CCDC91: variants seen among roughly 807,000 people sequenced by gnomAD.
The protein encoded by CCDC91 is coiled-coil domain containing 91, also known as coiled-coil domain-containing protein 91.
CCDC91 carries 48 observed loss-of-function variants against 63.2 expected under a neutral mutation model. That is an observed-to-expected ratio of 0.76 (90% confidence interval 0.60 to 0.97). The LOEUF (loss-of-function observed/expected upper bound fraction) is 0.97. CCDC91 is among the 50% of genes least tolerant of loss of function. CCDC91 has a pLI of 0.00. For missense variants in CCDC91, 500 were observed against 494.6 expected (o/e 1.01, Z -0.10); for synonymous variants, 167 against 165.8 (o/e 1.01, Z -0.06).
chr12:28,446,225 A>G (rs1458060977), intron 8 of CCDC91, among the ~76,000 whole-genome samples: 1 of 152,196 alleles, frequency 6.6e-6, no homozygotes, highest in Non-Finnish European at 1.5e-5. Context: ...TCAAGAGAAA[A>G]TGTTCATAGA....
chr12:28,509,407 G>C (rs1330210472), intron 12 of CCDC91, among the ~76,000 whole-genome samples: 1 of 150,930 alleles, frequency 6.6e-6, no homozygotes, highest in Admixed American at 6.6e-5. Flanking sequence ...GGCAGGATAG[G>C]GGTGGTAGTA....
intron 1 of CCDC91, among the ~76,000 whole-genome samples, chr12:28,250,801 G>T (rs1946069370): frequency 1.3e-5 from 2 of 151,998 alleles, no homozygotes; most frequent in Admixed American, 1.3e-4. Context: ...AATAAAGAAA[G>T]GATCCCCACA....
chr12:28,463,247 G>T (rs1420870814), intron 11 of CCDC91, among the ~76,000 whole-genome samples: 4 of 152,180 alleles, frequency 2.6e-5, no homozygotes, highest in Non-Finnish European at 5.9e-5. Context: ...ACAGTGTTTG[G>T]TGGATATCAG....
At chr12:28,504,526 A>G (rs979825770) in intron 12 of CCDC91, among the ~76,000 whole-genome samples, 1 of 151,942 alleles carries the variant, frequency 6.6e-6, no homozygotes, top group Non-Finnish European at 1.5e-5. Flanking sequence ...TCCAATACAT[A>G]GTGAAATCTA....
chr12:28,375,859 T>G (rs1944910736), intron 7 of CCDC91, among the ~76,000 whole-genome samples: 1 of 151,964 alleles, frequency 6.6e-6, no homozygotes, highest in Non-Finnish European at 1.5e-5. Flanking sequence ...CATCAAAGAT[T>G]ACCATCTTAT....
chr12:28,239,400 A>T (rs79712894), intron 1 of CCDC91, among the ~76,000 whole-genome samples: 28,669 of 151,922 alleles, frequency 0.19, 3,560 homozygotes, highest in Non-Finnish European at 0.28. Context: ...AAGATTTTTT[A>T]AAAATTGCAT....
chr12:28,301,436 T>C (rs978005865), intron 3 of CCDC91, among the ~76,000 whole-genome samples: 4 of 151,434 alleles, frequency 2.6e-5, no homozygotes, highest in African/African-American at 7.3e-5. Flanking sequence ...TTACATATCA[T>C]TTTAATATGG....
rs541826758 is a variant in CCDC91, at chr12:28,256,153, G to A, written c.-14-1049G>A. 206 of 152,178 alleles carry A rather than the reference G, an allele frequency of 1.4e-3. 1 individual carries two copies. The highest frequency in any genetic ancestry group is 4.6e-3 in the African/African-American group (190 of 41,546). The allele number at this position is 152,178 out of a possible 1,614,324, so 9.4% of individuals were successfully genotyped here. A position where few individuals can be genotyped will look rare whatever the true frequency, so the allele number is the denominator to read the frequency against. ...TTAACTTTTAGGTTAAGGGGTACAT[G>A]TGCAGGTTTATTACAAAGACAAACT... On this transcript the variant is annotated intron_variant, in intron 1 of 12. Transcript: ENST00000536442.
At chr12:28,548,422 A>C (rs1157991748) in intron 12 of CCDC91, among the ~76,000 whole-genome samples, 1 of 152,018 alleles carries the variant, frequency 6.6e-6, no homozygotes, top group Non-Finnish European at 1.5e-5. Context: ...GGTGTGCACC[A>C]CCATGCGCAG....
intron 6 of CCDC91, among the ~76,000 whole-genome samples, chr12:28,331,461 T>G (rs990831709): frequency 6.6e-6 from 1 of 152,220 alleles, no homozygotes; most frequent in Non-Finnish European, 1.5e-5. Flanking sequence ...AGTTTTGCCT[T>G]AAGCCCTTTT....
intron 1 of CCDC91, among the ~76,000 whole-genome samples, chr12:28,204,044 G>A (rs1266976155): frequency 6.6e-6 from 1 of 151,992 alleles, no homozygotes; most frequent in Non-Finnish European, 1.5e-5. Flanking sequence ...GGGTTTTGAT[G>A]CCTTAATTAT....
At chr12:28,268,272 C>G (rs565140817) in intron 3 of CCDC91, among the ~76,000 whole-genome samples, 13 of 151,666 alleles carry the variant, frequency 8.6e-5, no homozygotes, top group African/African-American at 3.1e-4. Context: ...ACCATGTCAG[C>G]CAGGATAGTC....
intron 11 of CCDC91, among the ~76,000 whole-genome samples, chr12:28,472,312 C>G (rs1950861561): frequency 6.6e-6 from 1 of 152,148 alleles, no homozygotes; most frequent in Admixed American, 6.5e-5. Context: ...CCCAGATTGC[C>G]ACCTTGCAGA....
At chr12:28,359,042 T>C (rs1006720478) in intron 6 of CCDC91, among the ~76,000 whole-genome samples, 4 of 152,090 alleles carry the variant, frequency 2.6e-5, no homozygotes, top group Admixed American at 2.6e-4. Context: ...ACTACAGGCT[T>C]CCACCACCAC....
chr12:28,516,044 T>C (rs752540936), intron 12 of CCDC91, among the ~76,000 whole-genome samples: 1 of 152,002 alleles, frequency 6.6e-6, no homozygotes, highest in Non-Finnish European at 1.5e-5. Context: ...AAGAAGAGAA[T>C]AGTCTTCTGA....
chr12:28,365,546 T>C (rs1370014351), intron 7 of CCDC91, among the ~76,000 whole-genome samples: 1 of 152,222 alleles, frequency 6.6e-6, no homozygotes, highest in East Asian at 1.9e-4. Context: ...AACCAAAATA[T>C]CTCTAGTTAC....
intron 1 of CCDC91, among the ~76,000 whole-genome samples, chr12:28,198,746 A>T (rs548850117): frequency 6.6e-6 from 1 of 152,180 alleles, no homozygotes; most frequent in African/African-American, 2.4e-5. Context: ...TGTTGAATCC[A>T]TTTACAATTA....
intron 3 of CCDC91, among the ~76,000 whole-genome samples, chr12:28,271,839 G>GTA (rs1006710852): frequency 6.7e-6 from 1 of 149,724 alleles, no homozygotes; most frequent in Non-Finnish European, 1.5e-5. Context: ...TTTTAAATGT[G>GTA]TATATATATA....
chr12:28,363,002 C>G (rs907338787), intron 7 of CCDC91, among the ~76,000 whole-genome samples: 1 of 151,988 alleles, frequency 6.6e-6, no homozygotes, highest in Admixed American at 6.5e-5. Context: ...AAAAATTATT[C>G]AATTCTGTGC....
Sources: allele counts gnomAD v4.1 joint callset (sites outside exome capture counted in the v4.1 genomes callset), GRCh38; gene constraint gnomAD v4.1.1; transcripts MANE v1.5; gene names NCBI Gene and HGNC (gene_info 2026-07-23, HGNC 2026-07-21).